The following CEP78 variants were observed in gnomAD, a reference collection of about 807,000 sequenced individuals.
CEP78 encodes the protein centrosomal protein of 78 kDa.
A neutral mutation model predicts 81.2 loss-of-function variants in CEP78; 76 were observed. The ratio of observed to expected loss-of-function variants is 0.94; its 90% CI spans 0.78 to 1.13. The LOEUF is 1.13. CEP78 is among the 50% of genes most tolerant of loss of function. CEP78 has a pLI of 0.00. For synonymous variants in CEP78, 293 were observed against 301.4 expected (o/e 0.97, Z 0.29); for missense variants, 918 against 846.8 (o/e 1.08, Z -1.04).
chr9:78,236,969 CTTTTTT>C (rs71360676), intron 1 of CEP78, among the ~76,000 whole-genome samples: 52 of 62,108 alleles, frequency 8.4e-4, no homozygotes, highest in African/African-American at 2.1e-3. Flanking sequence ...CAGCCTTTGT[CTTTTTT>C]TTTTTTTTTT....
At chr9:78,245,854 C>T (rs1273902683) in intron 5 of CEP78, among the ~76,000 whole-genome samples, 1 of 152,030 alleles carries the variant, frequency 6.6e-6, no homozygotes, top group Non-Finnish European at 1.5e-5. Context: ...CCTTAGAGTT[C>T]TTTCTTTGTC....
chr9:78,266,335 G>T, intron 15 of CEP78, 107 bp from the exon 16 acceptor site: 1 of 855,394 alleles, frequency 1.2e-6, no homozygotes, highest in Admixed American at 2.8e-5. Context: ...GGGCAAAAAT[G>T]ACCTGGAAAT....
chr9:78,266,809 G>T, intron 16 of CEP78, 106 bp downstream of exon 16: 1 of 1,503,252 alleles, frequency 6.7e-7, no homozygotes. Flanking sequence ...AGGGAAACTA[G>T]TTCTTTGGTT....
chr9:78,240,403 T>C, intron 3 of CEP78, 39 bp downstream of exon 3: 1 of 1,486,940 alleles, frequency 6.7e-7, no homozygotes, highest in Non-Finnish European at 9.2e-7. Context: ...CCTATCAGGC[T>C]GGTTTCATGT....
chr9:78,254,150 T>G (rs1257574323), intron 10 of CEP78, among the ~76,000 whole-genome samples: 2 of 152,202 alleles, frequency 1.3e-5, no homozygotes, highest in Non-Finnish European at 2.9e-5. Context: ...TACAGTAGTT[T>G]TGGCTTAAGA....
intron 1 of CEP78, among the ~76,000 whole-genome samples, chr9:78,239,457 T>C (rs929317458): frequency 2.6e-5 from 4 of 152,238 alleles, no homozygotes; most frequent in African/African-American, 9.6e-5. Flanking sequence ...TTAGTTGGTC[T>C]TGAGGAAGGG....
At chr9:78,269,151 A>G (rs376470959) in intron 16 of CEP78, among the ~76,000 whole-genome samples, 12 of 152,330 alleles carry the variant, frequency 7.9e-5, no homozygotes, top group African/African-American at 2.6e-4. Flanking sequence ...AGAGAAAGGG[A>G]TCTAAAATAA....
In CEP78 at chr9:78,265,528, AATG is replaced by A; in HGVS notation, c.1783_1785del (p.Met595del). On this transcript the variant is annotated inframe_deletion, in exon 14 of 17. Coordinates refer to ENST00000643273, the MANE Select transcript of CEP78 (RefSeq NM_001330691.3). ...AACCGAAGCAGAATGCCCTAGGGCAAATGCAAAATATCCAGGTAAATGAATAGA... is the reference window on the plus strand; with the variant it reads ...AACCGAAGCAGAATGCCCTAGGGCAACAAAATATCCAGGTAAATGAATAGA... 3 of 1,568,374 alleles carry A rather than the reference AATG, an allele frequency of 1.9e-6. No individual in the cohort carries two copies. The highest frequency in any genetic ancestry group is 2.6e-6 in the Non-Finnish European group (3 of 1,156,492).
rs1351339036 is a variant in CEP78, at chr9:78,274,936, AAAAG to A, written c.*4090_*4093del. ...TTTAAAGCTAAGAAAGAGATAAACCAAAAGAAAGGTGAGGAATTGGTAAAAGCAG... is the reference window on the plus strand; with the variant it reads ...TTTAAAGCTAAGAAAGAGATAAACCAAAAGGTGAGGAATTGGTAAAAGCAG... On this transcript the variant is annotated 3_prime_UTR_variant, in exon 17 of 17. Coordinates refer to ENST00000643273, the MANE Select transcript of CEP78 (RefSeq NM_001330691.3). 3 of 152,212 alleles carry A rather than the reference AAAAG, an allele frequency of 2.0e-5. No individual in the cohort carries two copies. Among genetic ancestry groups the A allele is most frequent in the African/African-American group, 7.2e-5 (3 of 41,460 alleles). The allele number at this position is 152,212 out of a possible 1,614,324, so 9.4% of individuals were successfully genotyped here.
In CEP78 at chr9:78,270,956, G is replaced by A; in HGVS notation, c.*105G>A. 1.7e-6 allele frequency: 1 copy of A among 592,260 alleles called. No individual in the cohort carries two copies. Among genetic ancestry groups the A allele is most frequent in the South Asian group, 2.2e-5 (1 of 45,948 alleles). 36.7% of individuals were successfully genotyped at this position (592,260 alleles called of 1,614,324 possible). A position where few individuals can be genotyped will look rare whatever the true frequency, so the allele number is the denominator to read the frequency against. The stretch of plus-strand genomic sequence containing the variant: ...TAAGAAGCAGATGATTTAAGTACCA[G>A]TTAATTAAAGGATGGAACAGCTAAG... On this transcript the variant is annotated 3_prime_UTR_variant, in exon 17 of 17. Transcript: ENST00000643273.
chr9:78,239,226 A>G (rs1013906931), intron 1 of CEP78, among the ~76,000 whole-genome samples: 1 of 152,070 alleles, frequency 6.6e-6, no homozygotes, highest in Non-Finnish European at 1.5e-5. Context: ...TCCATCCTTA[A>G]TTACATTTTG....
At chr9:78,243,312 A>G (rs939654891) in intron 4 of CEP78, 150 bp from the exon 5 acceptor site, 6 of 540,962 alleles carry the variant, frequency 1.1e-5, no homozygotes, top group East Asian at 6.4e-5. Flanking sequence ...CTCAAAATCT[A>G]CTATTTAATC....
At chr9:78,263,932 ATAAT>A (rs1033346446) in intron 12 of CEP78, 13 of 282,382 alleles carry the variant, frequency 4.6e-5, no homozygotes, top group Non-Finnish European at 7.8e-5. Context: ...TTTTTGAAAG[ATAAT>A]TAATGAAATA....
Position 78,241,708 on chromosome 9 carries a change from G to A in CEP78, c.512G>A (p.Gly171Asp). 6.3e-7 allele frequency: 1 copy of A among 1,577,596 alleles called. No homozygotes were observed. Among genetic ancestry groups the A allele is most frequent in the East Asian group, 2.2e-5 (1 of 44,458 alleles). The stretch of plus-strand genomic sequence containing the variant: ...TTTTCCATTTTAGTTATTTGTCAAG[G>A]TATAAAGAGCTCTATCACTCTTAAG... The part of the protein sequence containing the change: ...GDGGLEIICQ[G>D]IKSSITLKTV... Residue 171 changes from glycine to aspartate, a missense_variant, in exon 4 of 17, where the codon GGT becomes GAT. Gly to Asp is a moderately conservative substitution (Grantham distance 94). Transcript: ENST00000643273.
rs1827740735 is a variant in CEP78 at position 78,273,561 on chromosome 9, C to A, written c.*2710C>A. On this transcript the variant is annotated 3_prime_UTR_variant, in exon 17 of 17. Transcript: ENST00000643273. ...CCAGCCTGGCCAACATGGCAAAACTCCGTCTCTACTAAAAATACAAAAAAA... is the reference window on the plus strand; with the variant it reads ...CCAGCCTGGCCAACATGGCAAAACTACGTCTCTACTAAAAATACAAAAAAA... 6.7e-6 allele frequency: 1 copy of A among 150,178 alleles called. No homozygotes were observed. The highest frequency in any genetic ancestry group is 2.1e-4 in the South Asian group (1 of 4,750). The allele number at this position is 150,178 out of a possible 1,614,324, so 9.3% of individuals were successfully genotyped here. A position where few individuals can be genotyped will look rare whatever the true frequency, so the allele number is the denominator to read the frequency against.
intron 11 of CEP78, among the ~76,000 whole-genome samples, chr9:78,259,805 C>CA (rs1827194728): frequency 6.6e-6 from 1 of 152,014 alleles, no homozygotes; most frequent in South Asian, 2.1e-4. Flanking sequence ...TCTGAATTTC[C>CA]AAAAAATAAC....
At chr9:78,266,846 G>C in intron 16 of CEP78, 143 bp downstream of exon 16, 1 of 1,447,464 alleles carries the variant, frequency 6.9e-7, no homozygotes, top group East Asian at 2.5e-5. Flanking sequence ...GTAGGTCTTT[G>C]AAAAAATACG....
chr9:78,243,794 AT>A (rs1826347872), intron 5 of CEP78, among the ~76,000 whole-genome samples, 158 bp downstream of exon 5: 2 of 149,610 alleles, frequency 1.3e-5, no homozygotes. Flanking sequence ...AGTTATATAT[AT>A]TCTTTATAGA....
rs1827812763 is a variant in CEP78 at position 78,276,744 on chromosome 9, G to A, written c.*5893G>A. 6.6e-6 allele frequency: 1 copy of A among 152,018 alleles called. No individual in the cohort carries two copies. Among genetic ancestry groups the A allele is most frequent in the Admixed American group, 6.6e-5 (1 of 15,262 alleles). 9.4% of individuals were successfully genotyped at this position (152,018 alleles called of 1,614,324 possible). On this transcript the variant is annotated 3_prime_UTR_variant, in exon 17 of 17. Transcript: ENST00000643273. ...AATGTAAGGCCTATATAAATAAAAG[G>A]ATAAATCTATGCTAGAGGGTATAAA...
Sources: gnomAD v4.1 joint callset for allele counts (sites outside exome capture counted in the v4.1 genomes callset) on GRCh38, gnomAD v4.1.1 for gene constraint, MANE v1.5 for transcripts, NCBI Gene and HGNC (gene_info 2026-07-23, HGNC 2026-07-21) for gene names.